The following CCP110 variants were observed in gnomAD, a reference collection of about 807,000 sequenced individuals.
CCP110 encodes the protein centriolar coiled-coil protein of 110 kDa.
CCP110 carries 43 observed loss-of-function variants against 105.5 expected under a neutral mutation model. The observed-to-expected ratio is 0.41, with a 90% CI of 0.32 to 0.53. The LOEUF (loss-of-function observed/expected upper bound fraction) is 0.53, where lower values mean the gene tolerates loss of function less well. Among genes scored for constraint, CCP110 ranks in the 20% least tolerant of loss-of-function variants. The probability of loss-of-function intolerance (pLI) is 0.32; values close to 1 mark genes in which losing one functional copy is unlikely to be tolerated. For missense variants in CCP110, 1,016 were observed against 1,189.1 expected, an observed-to-expected ratio of 0.85 and a Z score of 2.14; for synonymous variants, 353 against 392.1, an observed-to-expected ratio of 0.90 and a Z score of 1.18.
chr16:19,551,093 T>C, intron 14 of CCP110, 103 bp from the exon 14 acceptor site: 1 of 747,560 alleles, frequency 1.3e-6, no homozygotes, highest in Non-Finnish European at 2.4e-6. Flanking sequence ...TGATAATGTA[T>C]ATTGCCTAGC....
exon 4 of CCP110, chr16:19,537,317 C>G (rs202054670): frequency 1.2e-6 from 2 of 1,614,118 alleles, no homozygotes; most frequent in Admixed American, 3.3e-5. Flanking sequence ...TGTAAAAAAC[C>G]CTTCTCCTTT....
chr16:19,550,329 T>C (rs1597283793), intron 14 of CCP110, among the ~76,000 whole-genome samples: 1 of 152,196 alleles, frequency 6.6e-6, no homozygotes, highest in Non-Finnish European at 1.5e-5. Flanking sequence ...TTTATTGTAT[T>C]TTTAGTAGAG....
intron 3 of CCP110, 128 bp downstream of exon 3, chr16:19,532,672 C>A: frequency 1.4e-6 from 1 of 719,778 alleles, no homozygotes; most frequent in Non-Finnish European, 2.2e-6. Context: ...TGAGAAGCTT[C>A]ATAATTTGTG....
At chr16:19,536,789 A>G (rs761186490) in exon 4 of CCP110, 1 of 1,614,190 alleles carries the variant, frequency 6.2e-7, no homozygotes, top group Non-Finnish European at 8.5e-7. Flanking sequence ...TATGAGTCCT[A>G]AAATGCACCG....
At chr16:19,536,134 A>C (rs780478690) in exon 4 of CCP110, 1 of 1,614,064 alleles carries the variant, frequency 6.2e-7, no homozygotes, top group Non-Finnish European at 8.5e-7. Context: ...ACCAATGTAA[A>C]ACTGATGGAA....
exon 4 of CCP110, chr16:19,537,014 G>A (rs777173621): frequency 1.9e-6 from 3 of 1,614,206 alleles, no homozygotes; most frequent in Non-Finnish European, 2.5e-6. Context: ...TACATCTGAA[G>A]TCAAAGAAGA....
At chr16:19,536,494 A>C (rs150869918) in exon 4 of CCP110, 1 of 1,614,014 alleles carries the variant, frequency 6.2e-7, no homozygotes, top group Non-Finnish European at 8.5e-7. Flanking sequence ...ACTGTGTAAA[A>C]GAGAAAGGCC....
chr16:19,548,295 A>G lies in CCP110; in HGVS notation c.2901-220A>G. On this transcript the variant is annotated intron_variant, in intron 13 of 14. Coordinates refer to ENST00000381396, the Ensembl canonical transcript of CCP110. This position sits in a 1 kb window ranked among gnomAD's most constrained non-coding sequence, Gnocchi z 4.1. ...TTTTAAATATCCATATAGTAAATTC[A>G]GCATCACCGAAGTGATTCTCCAACA... The G allele has an allele frequency of 3.5e-6, 2 of 576,526 alleles. No homozygotes were observed. The highest frequency in any genetic ancestry group is 6.1e-6 in the Non-Finnish European group (2 of 328,116). 35.7% of individuals were successfully genotyped at this position (576,526 alleles called of 1,614,324 possible).
exon 4 of CCP110, chr16:19,536,270 T>C (rs763852975): frequency 6.2e-7 from 1 of 1,613,764 alleles, no homozygotes; most frequent in Non-Finnish European, 8.5e-7. Context: ...AACTCTTATT[T>C]CTGATGGTCC....
chr16:19,540,649 C>T lies in CCP110; in HGVS notation c.1919-8C>T, dbSNP rs760410452. The T allele has an allele frequency of 2.2e-5, 35 of 1,606,604 alleles. No individual in the cohort carries two copies. The highest frequency in any genetic ancestry group is 3.4e-5 in the Admixed American group (2 of 58,476). ...TTTTCTAAATTGAGGAAACATGTTT[C>T]TTTTCAGAAAGCGAGGAGTTACTAA... is the stretch of plus-strand genomic sequence containing the variant. On this transcript the variant is annotated splice_polypyrimidine_tract_variant and splice_region_variant and intron_variant, in intron 4 of 14. Coordinates refer to ENST00000381396, the Ensembl canonical transcript of CCP110.
intron 6 of CCP110, 26 bp downstream of exon 6, chr16:19,542,090 T>C: frequency 1.4e-6 from 2 of 1,446,216 alleles, no homozygotes; most frequent in Non-Finnish European, 1.9e-6. Context: ...TCCTTTTACA[T>C]TTGGGAAAGT....
chr16:19,548,684 T>C lies in CCP110; in HGVS notation c.2986+84T>C. ...CATAACTCAGGCCATAGAAGTGGAA[T>C]AGATTGTCTTTCCTTGCCACCATAA... On this transcript the variant is annotated intron_variant, in intron 14 of 14. Transcript: ENST00000381396. The surrounding 1 kb of genome is among the most constrained non-coding windows in gnomAD (Gnocchi z 4.1). 2.6e-6 allele frequency: 2 copies of C among 765,606 alleles called. No homozygotes were observed. Among genetic ancestry groups the C allele is most frequent in the Non-Finnish European group, 4.3e-6 (2 of 469,450 alleles). The allele number at this position is 765,606 out of a possible 1,614,324, so 47.4% of individuals were successfully genotyped here. A position where few individuals can be genotyped will look rare whatever the true frequency, so the allele number is the denominator to read the frequency against.
chr16:19,524,684 T>C (rs1304190200), intron 1 of CCP110: 1 of 152,198 alleles, frequency 6.6e-6, no homozygotes, highest in African/African-American at 2.4e-5. Flanking sequence ...ACCCCCAGTT[T>C]AGGCAAATGG....
At chr16:19,540,766 G>A in exon 5 of CCP110, 2 of 1,613,688 alleles carry the variant, frequency 1.2e-6, no homozygotes, top group South Asian at 1.1e-5. Context: ...AGCAGGAAAG[G>A]GAACAAGAAA....
intron 12 of CCP110, 160 bp downstream of exon 12, chr16:19,546,634 T>C: frequency 6.2e-6 from 3 of 480,558 alleles, no homozygotes; most frequent in South Asian, 4.7e-5. Flanking sequence ...CTGACCAACA[T>C]GGAAAACCCC....
chr16:19,543,327 A>G (rs1970352801), intron 8 of CCP110, among the ~76,000 whole-genome samples: 1 of 152,228 alleles, frequency 6.6e-6, no homozygotes. Context: ...ATGGACATTT[A>G]TCAGTTCCCA....
intron 2 of CCP110, among the ~76,000 whole-genome samples, chr16:19,531,552 A>T (rs1251299436): frequency 6.6e-6 from 1 of 152,258 alleles, no homozygotes; most frequent in Non-Finnish European, 1.5e-5. Context: ...GTAGGCAAAT[A>T]ATATATTATC....
At chr16:19,528,729 C>T (rs1187789567) in intron 2 of CCP110, among the ~76,000 whole-genome samples, 1 of 152,098 alleles carries the variant, frequency 6.6e-6, no homozygotes, top group Non-Finnish European at 1.5e-5. Context: ...GACCTCATCT[C>T]TATAAAAACA....
chr16:19,542,337 A>G (rs995720620), intron 6 of CCP110, among the ~76,000 whole-genome samples: 5 of 152,220 alleles, frequency 3.3e-5, no homozygotes, highest in African/African-American at 1.2e-4. Context: ...ATATACTTCA[A>G]GTGAAAACAG....
Sources: gnomAD v4.1 joint callset for allele counts (sites outside exome capture counted in the v4.1 genomes callset) on GRCh38, gnomAD v4.1.1 for gene constraint, Gnocchi (gnomAD v3.1) non-coding constraint, MANE v1.5 for transcripts, NCBI Gene and HGNC (gene_info 2026-07-23, HGNC 2026-07-21) for gene names.